CDYL: variants seen among roughly 807,000 people sequenced by gnomAD.
The protein encoded by CDYL is chromodomain Y like.
In CDYL, 8 loss-of-function variants were observed where a neutral mutation model predicts 47.3. The ratio of observed to expected loss-of-function variants is 0.17; its 90% CI spans 0.10 to 0.31. CDYL has a LOEUF of 0.31. CDYL is among the 10% of genes least tolerant of loss of function. The pLI is 1.00. For synonymous variants in CDYL, 266 were observed against 265.0 expected (o/e 1.00, Z -0.04); for missense variants, 471 against 701.4 (o/e 0.67, Z 3.71).
chr6:4,900,779 G>GTGTGTATATATGTATGTATGTATA, intron 2 of CDYL, among the ~76,000 whole-genome samples: 2 of 51,704 alleles, frequency 3.9e-5, no homozygotes, highest in African/African-American at 6.3e-5. Context: ...GTATACGTGT[G>GTGTGTATATATGTATGTATGTATA]TATATATATA....
upstream of CDYL, chr6:4,775,265 C>G (rs990553220): frequency 5.9e-5 from 9 of 152,250 alleles, no homozygotes; most frequent in African/African-American, 1.9e-4. This position sits in a 1 kb window ranked among gnomAD's most constrained non-coding sequence, Gnocchi z 7.0. Context: ...GGGGAAGTTC[C>G]GCATACTCGG....
Position 4,896,650 on chromosome 6 carries a change from C to T in CDYL, c.691+4271C>T, listed in dbSNP as rs531913167. ...ACATGCTTCCTGAATGAGGAGAAGC[C>T]GCGCTGAAGCTCTGTTAGGCTGTTG... On this transcript the variant is annotated intron_variant, in intron 2 of 6. Transcript: ENST00000397588. Among the ~76,000 whole-genome samples the T allele has an allele frequency of 1.5e-4, 23 of 152,288 alleles. 1 individual carries two copies. Among genetic ancestry groups the T allele is most frequent in the South Asian group, 1.2e-3 (6 of 4,828 alleles).
intron 1 of CDYL, among the ~76,000 whole-genome samples, chr6:4,788,685 G>A (rs147119584): frequency 0.041 from 6,226 of 151,354 alleles, 158 homozygotes; most frequent in South Asian, 0.097. Flanking sequence ...GGTCACTGGG[G>A]TGGGAACTGT....
At chr6:4,890,007 G>A (rs2127482965) in intron 1 of CDYL, 1 of 985,454 alleles carries the variant, frequency 1.0e-6, no homozygotes, top group East Asian at 1.1e-4. Flanking sequence ...AGGAGGGAGG[G>A]GAAACAAAAG....
intron 1 of CDYL, among the ~76,000 whole-genome samples, chr6:4,827,512 GTTGT>G (rs1395280233): frequency 6.6e-6 from 1 of 152,108 alleles, no homozygotes; most frequent in Non-Finnish European, 1.5e-5. Flanking sequence ...AATTGATGTT[GTTGT>G]TTAAGTCAAT....
chr6:4,900,485 G>A (rs1195382986), intron 2 of CDYL, among the ~76,000 whole-genome samples: 1 of 151,416 alleles, frequency 6.6e-6, no homozygotes, highest in African/African-American at 2.4e-5. Flanking sequence ...TCCTATTCGA[G>A]GATACATTTT....
intron 1 of CDYL, among the ~76,000 whole-genome samples, chr6:4,867,267 C>A (rs926292680): frequency 2.0e-5 from 3 of 151,936 alleles, no homozygotes; most frequent in Non-Finnish European, 4.4e-5. Flanking sequence ...TTCTTAATTT[C>A]TTCCTGCATA....
chr6:4,777,587 T>C (rs914684580), intron 1 of CDYL, among the ~76,000 whole-genome samples: 1 of 152,256 alleles, frequency 6.6e-6, no homozygotes, highest in African/African-American at 2.4e-5. Flanking sequence ...GAAGGCTTTC[T>C]GTTCTTCTGG....
intron 1 of CDYL, among the ~76,000 whole-genome samples, chr6:4,847,968 A>T (rs1394255132): frequency 6.6e-6 from 1 of 152,176 alleles, no homozygotes; most frequent in Admixed American, 6.5e-5. Flanking sequence ...AGCTTTCCTG[A>T]GGGTTTTTGC....
At chr6:4,936,662 A>T (rs1034426328) in intron 3 of CDYL, among the ~76,000 whole-genome samples, 4 of 152,220 alleles carry the variant, frequency 2.6e-5, no homozygotes, top group African/African-American at 9.7e-5. Flanking sequence ...GCACTTACGC[A>T]CCAAACTATT....
chr6:4,739,540 G>A (rs571903193), intron 3 of CDYL, among the ~76,000 whole-genome samples: 2 of 139,584 alleles, frequency 1.4e-5, no homozygotes, highest in African/African-American at 5.2e-5. Context: ...AAAAAAAGTT[G>A]AGTAAAAAAA....
At chr6:4,766,857 C>T (rs546161795) in intron 3 of CDYL, among the ~76,000 whole-genome samples, 4 of 151,854 alleles carry the variant, frequency 2.6e-5, no homozygotes, top group South Asian at 2.1e-4. Context: ...AAAAGTTGGC[C>T]GGGCATGGTG....
At chr6:4,848,958 C>G (rs919145506) in intron 1 of CDYL, among the ~76,000 whole-genome samples, 1 of 152,198 alleles carries the variant, frequency 6.6e-6, no homozygotes, top group Admixed American at 6.5e-5. Context: ...TTTTTCTAAA[C>G]ATTCTTTGCA....
intron 1 of CDYL, among the ~76,000 whole-genome samples, chr6:4,780,263 T>C (rs751705193): frequency 2.6e-5 from 4 of 151,194 alleles, no homozygotes; most frequent in African/African-American, 9.7e-5. Context: ...AGAGTCTTGC[T>C]CTATCTCCCA....
chr6:4,870,820 A>AT (rs565515271), intron 1 of CDYL, among the ~76,000 whole-genome samples: 3 of 152,024 alleles, frequency 2.0e-5, no homozygotes, highest in African/African-American at 4.8e-5. Context: ...TAGAATTATT[A>AT]TTTTTTTATT....
chr6:4,877,255 C>T (rs777292811), intron 1 of CDYL, among the ~76,000 whole-genome samples: 1 of 152,174 alleles, frequency 6.6e-6, no homozygotes, highest in Non-Finnish European at 1.5e-5. Context: ...CATCTTTCAA[C>T]ATTTTTTTTC....
At chr6:4,730,789 C>A (rs1757591621) in intron 2 of CDYL, among the ~76,000 whole-genome samples, 1 of 151,840 alleles carries the variant, frequency 6.6e-6, no homozygotes, top group Admixed American at 6.6e-5. Flanking sequence ...GAAGAGTTGG[C>A]CTCCCTCCCT....
chr6:4,899,519 A>G (rs1216328838), intron 2 of CDYL, among the ~76,000 whole-genome samples: 3 of 152,146 alleles, frequency 2.0e-5, no homozygotes, highest in Non-Finnish European at 4.4e-5. Context: ...AGGTGGATAT[A>G]CGGGGAAACA....
At chr6:4,751,887 C>A (rs1233028892) in intron 3 of CDYL, among the ~76,000 whole-genome samples, 1 of 152,184 alleles carries the variant, frequency 6.6e-6, no homozygotes, top group African/African-American at 2.4e-5. Context: ...TATTAACATG[C>A]TATGGGGGTG....
Sources: gnomAD v4.1 joint callset for allele counts (sites outside exome capture counted in the v4.1 genomes callset) on GRCh38, gnomAD v4.1.1 for gene constraint, Gnocchi (gnomAD v3.1) non-coding constraint, MANE v1.5 for transcripts, NCBI Gene and HGNC (gene_info 2026-07-23, HGNC 2026-07-21) for gene names.